Variants in RIMS2 observed in about 807,000 individuals in gnomAD.
RIMS2 encodes the protein regulating synaptic membrane exocytosis protein 2.
A neutral mutation model predicts 174.4 loss-of-function variants in RIMS2; 59 were observed. That is an observed-to-expected ratio of 0.34 (90% confidence interval 0.27 to 0.42). RIMS2 has a LOEUF of 0.42. Among genes scored for constraint, RIMS2 ranks in the 10% least tolerant of loss-of-function variants. The pLI, the probability that RIMS2 is intolerant of heterozygous loss-of-function variation, is 1.00. For synonymous variants in RIMS2, 606 were observed against 572.5 expected, an observed-to-expected ratio of 1.06 and a Z score of -0.84; for missense variants, 1,620 against 1,666.3, an observed-to-expected ratio of 0.97 and a Z score of 0.48.
At chr8:104,031,496 A>G (rs1432867105) in intron 19 of RIMS2, among the ~76,000 whole-genome samples, 1 of 152,250 alleles carries the variant, frequency 6.6e-6, no homozygotes, top group East Asian at 1.9e-4. Context: ...AAATCTATTA[A>G]GCAAAATTTT....
chr8:103,692,137 A>C (rs2097034101), intron 1 of RIMS2, among the ~76,000 whole-genome samples: 1 of 152,036 alleles, frequency 6.6e-6, no homozygotes. Flanking sequence ...TACCAATGAG[A>C]CTGCGCTGGG....
At chr8:103,965,488 A>G (rs1290466944) in intron 15 of RIMS2, among the ~76,000 whole-genome samples, 2 of 152,128 alleles carry the variant, frequency 1.3e-5, no homozygotes, top group African/African-American at 2.4e-5. Flanking sequence ...TATTAACCTT[A>G]TATCCTACAA....
chr8:103,787,876 G>C (rs2098458752), intron 3 of RIMS2, among the ~76,000 whole-genome samples: 2 of 151,964 alleles, frequency 1.3e-5, no homozygotes, highest in Non-Finnish European at 2.9e-5. Flanking sequence ...TTTCCAACTT[G>C]GTTCCATTCT....
At chr8:103,804,814 T>C (rs1002305609) in intron 3 of RIMS2, among the ~76,000 whole-genome samples, 1 of 152,094 alleles carries the variant, frequency 6.6e-6, no homozygotes, top group African/African-American at 2.4e-5. Context: ...CTTTTTTTTT[T>C]CTTTGAGAGT....
At chr8:103,625,000 A>G (rs2095745179) in intron 1 of RIMS2, among the ~76,000 whole-genome samples, 1 of 152,180 alleles carries the variant, frequency 6.6e-6, no homozygotes, top group Non-Finnish European at 1.5e-5. Flanking sequence ...TTTACTTTTT[A>G]AATAGAATCA....
At chr8:104,043,363 G>T (rs1324704955) in intron 19 of RIMS2, among the ~76,000 whole-genome samples, 3 of 151,570 alleles carry the variant, frequency 2.0e-5, no homozygotes, top group African/African-American at 7.3e-5. Context: ...GATGGCATTG[G>T]TTCTCTAAGA....
chr8:103,768,298 T>G (rs1217429483), intron 3 of RIMS2: 2 of 623,652 alleles, frequency 3.2e-6, no homozygotes, highest in East Asian at 5.9e-5. Flanking sequence ...TGGACATCTC[T>G]TTCCCAGCCA....
intron 3 of RIMS2, among the ~76,000 whole-genome samples, chr8:103,812,342 T>TTTTTG (rs1554843406): frequency 3.5e-5 from 4 of 113,292 alleles, no homozygotes; most frequent in Non-Finnish European, 8.3e-5. Context: ...TTTTTTTTTT[T>TTTTTG]TTTTTTTTTT....
chr8:104,183,451 A>T (rs2098951069), intron 19 of RIMS2, among the ~76,000 whole-genome samples: 1 of 151,630 alleles, frequency 6.6e-6, no homozygotes, highest in African/African-American at 2.4e-5. Flanking sequence ...AGAGACAGAG[A>T]TCATGCTATT....
At chr8:103,581,367 C>G (rs1174010399) in intron 1 of RIMS2, among the ~76,000 whole-genome samples, 2 of 152,064 alleles carry the variant, frequency 1.3e-5, no homozygotes, top group East Asian at 1.9e-4. Context: ...GAACCAGGAA[C>G]AAAAACTATA....
At chr8:104,206,149 C>T (rs554294073) in intron 19 of RIMS2, among the ~76,000 whole-genome samples, 12 of 152,208 alleles carry the variant, frequency 7.9e-5, no homozygotes, top group African/African-American at 2.9e-4. Context: ...TTTAGGTTGC[C>T]TCATGATTCA....
At chr8:103,972,783 C>T (rs1316948655) in intron 15 of RIMS2, among the ~76,000 whole-genome samples, 1 of 152,094 alleles carries the variant, frequency 6.6e-6, no homozygotes, top group African/African-American at 2.4e-5. Flanking sequence ...CCTAGTCTAA[C>T]CACCCTATAT....
chr8:104,211,877 G>A (rs1374259511), intron 19 of RIMS2, among the ~76,000 whole-genome samples: 1 of 152,282 alleles, frequency 6.6e-6, no homozygotes, highest in East Asian at 1.9e-4. Flanking sequence ...AAGAGTGAAA[G>A]TATCTTGGAA....
chr8:103,605,257 T>C (rs2094994490), intron 1 of RIMS2, among the ~76,000 whole-genome samples: 1 of 139,740 alleles, frequency 7.2e-6, no homozygotes, highest in Non-Finnish European at 1.5e-5. Context: ...ATTGAGATAA[T>C]CATGTGGTTT....
chr8:104,229,899 G>A lies in RIMS2; in HGVS notation c.3335-15017G>A, dbSNP rs117030497. ...CTGTGGGCAACTAAGAAGGGAAGTG[G>A]TTATTGTGAGCTTCGTAGACATCAC... On this transcript the variant is annotated intron_variant, in intron 19 of 23. Transcript: ENST00000504942. 7.1e-4 allele frequency among the ~76,000 whole-genome samples: 108 copies of A among 152,312 alleles called. 3 individuals are homozygous for A. The East Asian group carries it at 0.019, about 27-fold the overall frequency.
exon 17 of RIMS2, chr8:103,989,384 C>T (rs1312275741): frequency 1.9e-6 from 3 of 1,610,262 alleles, no homozygotes; most frequent in Non-Finnish European, 8.5e-7. Flanking sequence ...GGACAGACAT[C>T]GTGTCATGGA....
chr8:104,201,721 CG>C (rs1563724020), intron 19 of RIMS2, among the ~76,000 whole-genome samples: 1 of 152,028 alleles, frequency 6.6e-6, no homozygotes, highest in Non-Finnish European at 1.5e-5. Context: ...AAAATGGGTT[CG>C]GGGCATCTAT....
chr8:103,803,085 C>T (rs1363359354), intron 3 of RIMS2, among the ~76,000 whole-genome samples: 1 of 152,048 alleles, frequency 6.6e-6, no homozygotes, highest in Non-Finnish European at 1.5e-5. Context: ...CCTGCTCTAA[C>T]TGTGCATGGA....
intron 1 of RIMS2, among the ~76,000 whole-genome samples, chr8:103,546,312 A>G (rs1188842814): frequency 6.6e-6 from 1 of 152,214 alleles, no homozygotes; most frequent in Admixed American, 6.5e-5. Flanking sequence ...TAAAGGGTTC[A>G]ATTCAGCAAC....
Sources: allele counts gnomAD v4.1 joint callset (sites outside exome capture counted in the v4.1 genomes callset), GRCh38; gene constraint gnomAD v4.1.1; transcripts MANE v1.5; gene names NCBI Gene and HGNC (gene_info 2026-07-23, HGNC 2026-07-21).